Variants in SYNPR observed in about 807,000 individuals in gnomAD.
SYNPR encodes synaptoporin.
SYNPR carries 23 observed loss-of-function variants against 32.9 expected under a neutral mutation model. That is an observed-to-expected ratio of 0.70 (90% confidence interval 0.50 to 0.99). SYNPR has a LOEUF of 0.99. Ranked by LOEUF, SYNPR falls within the 50% of genes least tolerant of loss-of-function variation. SYNPR has a pLI of 0.00. For missense variants in SYNPR, 318 were observed against 349.3 expected, an observed-to-expected ratio of 0.91 and a Z score of 0.71; for synonymous variants, 146 against 135.9, an observed-to-expected ratio of 1.07 and a Z score of -0.52.
intron 2 of SYNPR, among the ~76,000 whole-genome samples, chr3:63,364,849 T>A (rs2107040888): frequency 6.6e-6 from 1 of 152,246 alleles, no homozygotes; most frequent in East Asian, 1.9e-4. Flanking sequence ...TGCTCTATGT[T>A]AAAGAAGTTA....
chr3:63,355,760 G>A lies in SYNPR; in HGVS notation c.84+77018G>A, dbSNP rs557662001. The stretch of plus-strand genomic sequence containing the variant: ...TGCCACACAGCCTTTGCCAGTGCCT[G>A]GGCCTCCCTCTCCCTCTCCCCTTTG... On this transcript the variant is annotated intron_variant, in intron 2 of 5. Transcript: ENST00000478300. Among the ~76,000 whole-genome samples the A allele has an allele frequency of 6.6e-5, 10 of 151,954 alleles. No homozygotes were observed. The East Asian group carries it at 1.9e-3, about 30-fold the overall frequency.
intron 1 of SYNPR, among the ~76,000 whole-genome samples, chr3:63,233,451 C>T (rs1237560854): frequency 6.6e-6 from 1 of 152,202 alleles, no homozygotes; most frequent in East Asian, 1.9e-4. Flanking sequence ...GACCCTACAT[C>T]TCCAGCCAAC....
chr3:63,403,475 G>T (rs202106350), intron 2 of SYNPR, among the ~76,000 whole-genome samples: 5 of 142,558 alleles, frequency 3.5e-5, no homozygotes, highest in Admixed American at 2.1e-4. Flanking sequence ...CACACATAGA[G>T]AGAGAGGATG....
intron 3 of SYNPR, among the ~76,000 whole-genome samples, chr3:63,492,934 GACAGCCTCGGAATGGCAGAAGGAA>G (rs1701283035): frequency 6.6e-6 from 1 of 152,234 alleles, no homozygotes; most frequent in Admixed American, 6.5e-5. Flanking sequence ...CAGCTGTAGT[GACAGCCTCGGAATGGCAGAAGGAA>G]ACAGCCCACT....
intron 4 of SYNPR, among the ~76,000 whole-genome samples, chr3:63,583,970 A>G (rs768632200): frequency 6.6e-6 from 1 of 152,118 alleles, no homozygotes; most frequent in Non-Finnish European, 1.5e-5. Context: ...AAAGACTGGT[A>G]GAGCAGGCTT....
intron 2 of SYNPR, among the ~76,000 whole-genome samples, chr3:63,342,346 T>G (rs2087381023): frequency 1.3e-5 from 2 of 152,216 alleles, no homozygotes; most frequent in African/African-American, 4.8e-5. Context: ...GGATTTTGTC[T>G]AATATTTTCT....
chr3:63,591,803 T>G (rs1441195009), intron 4 of SYNPR, among the ~76,000 whole-genome samples: 8 of 68,830 alleles, frequency 1.2e-4, no homozygotes, highest in Admixed American at 2.3e-4. Context: ...CTGGGGACTG[T>G]GGTGGGGTGG....
At chr3:63,261,768 A>G (rs1414191898) in intron 2 of SYNPR, among the ~76,000 whole-genome samples, 1 of 150,598 alleles carries the variant, frequency 6.6e-6, no homozygotes, top group Admixed American at 6.7e-5. Flanking sequence ...TGAGCAAACT[A>G]TCGCAAGGAC....
intron 2 of SYNPR, among the ~76,000 whole-genome samples, chr3:63,422,072 A>G (rs577829494): frequency 6.6e-6 from 1 of 152,324 alleles, no homozygotes; most frequent in South Asian, 2.1e-4. Context: ...TAGGCTAATC[A>G]GTGAGTGTTG....
At chr3:63,477,011 G>A (rs146520625) in intron 2 of SYNPR, among the ~76,000 whole-genome samples, 3 of 152,252 alleles carry the variant, frequency 2.0e-5, no homozygotes, top group East Asian at 1.9e-4. Flanking sequence ...GGGAACTGAG[G>A]TTTAGAGAAG....
rs533292092 is a variant in SYNPR at position 63,556,549 on chromosome 3, C to A, written c.216C>A (p.His72Gln). Residue 72 changes from histidine (H) to glutamine (Q), a missense_variant, in exon 4 of 6, where the codon CAC becomes CAA. Coordinates refer to ENST00000478300, the MANE Select transcript of SYNPR (RefSeq NM_001130003.2). ...DIAFAYPFRLHQVTFEVPTCE... is the reference protein window; with the variant it reads ...DIAFAYPFRLQQVTFEVPTCE... ...CTTAAATCTGGCAATTTAGGTTGCA[C>A]CAGGTGACGTTTGAGGTGCCCACCT... 1 of 1,609,604 alleles carries A rather than the reference C, an allele frequency of 6.2e-7. No individual in the cohort carries two copies. Among genetic ancestry groups the A allele is most frequent in the Non-Finnish European group, 8.5e-7 (1 of 1,177,814 alleles).
chr3:63,261,883 G>A (rs575765182), intron 2 of SYNPR, among the ~76,000 whole-genome samples: 1 of 151,474 alleles, frequency 6.6e-6, no homozygotes. Flanking sequence ...GTCGTGGGGT[G>A]GGGGGAGAGT....
intron 4 of SYNPR, among the ~76,000 whole-genome samples, chr3:63,567,826 T>A (rs1200718379): frequency 2.6e-5 from 4 of 152,204 alleles, no homozygotes; most frequent in African/African-American, 9.6e-5. Flanking sequence ...GATCGCACCT[T>A]TGTTCCACCA....
intron 2 of SYNPR, among the ~76,000 whole-genome samples, chr3:63,298,333 C>A (rs2086811192): frequency 6.6e-6 from 1 of 152,074 alleles, no homozygotes; most frequent in Non-Finnish European, 1.5e-5. Flanking sequence ...TTCGAGATTG[C>A]CAAGTGATCT....
chr3:63,555,289 T>TTTTTTTTTTTTTTTTTTTTTTTTTGAG (rs1553646600), intron 3 of SYNPR, among the ~76,000 whole-genome samples: 1 of 149,234 alleles, frequency 6.7e-6, no homozygotes, highest in Non-Finnish European at 1.5e-5. Context: ...AAATACTTCC[T>TTTTTTTTTTTTTTTTTTTTTTTTTGAG]AAGTATAAGT....
intron 2 of SYNPR, among the ~76,000 whole-genome samples, chr3:63,439,927 C>A (rs1700139465): frequency 6.6e-6 from 1 of 152,156 alleles, no homozygotes; most frequent in African/African-American, 2.4e-5. Flanking sequence ...TGAACACCTA[C>A]TATGTGGCAG....
intron 3 of SYNPR, among the ~76,000 whole-genome samples, chr3:63,272,145 T>G (rs1384282204): frequency 6.6e-6 from 1 of 152,220 alleles, no homozygotes; most frequent in Non-Finnish European, 1.5e-5. Flanking sequence ...TCTTAGACTT[T>G]TAGTAGATGT....
At chr3:63,396,408 G>C (rs919660428) in intron 2 of SYNPR, among the ~76,000 whole-genome samples, 1 of 152,182 alleles carries the variant, frequency 6.6e-6, no homozygotes, top group Non-Finnish European at 1.5e-5. Context: ...CCATGTCTAG[G>C]GGGAGGAAGG....
At chr3:63,505,579 T>C (rs1701572118) in intron 3 of SYNPR, among the ~76,000 whole-genome samples, 1 of 152,188 alleles carries the variant, frequency 6.6e-6, no homozygotes. Flanking sequence ...TATTTGTGGG[T>C]CTGCTTTTGC....
Sources: allele counts gnomAD v4.1 joint callset (sites outside exome capture counted in the v4.1 genomes callset), GRCh38; gene constraint gnomAD v4.1.1; transcripts MANE v1.5; gene names NCBI Gene and HGNC (gene_info 2026-07-23, HGNC 2026-07-21).